Variants in MKRN2 observed in about 807,000 individuals in gnomAD.
MKRN2 encodes the protein makorin ring finger protein 2, also known as E3 ubiquitin-protein ligase makorin-2.
Under a neutral mutation model 45.4 loss-of-function variants are expected in MKRN2, and 32 were observed. The ratio of observed to expected loss-of-function variants is 0.70; its 90% confidence interval spans 0.53 to 0.95. The LOEUF is 0.95. Among genes scored for constraint, MKRN2 ranks in the 40% least tolerant of loss-of-function variants. The probability of loss-of-function intolerance (pLI) is 0.00; values close to 1 mark genes in which losing one functional copy is unlikely to be tolerated. For synonymous variants in MKRN2, 206 were observed against 192.4 expected (o/e 1.07, Z -0.59); for missense variants, 526 against 536.7 (o/e 0.98, Z 0.20).
intron 1 of MKRN2, among the ~76,000 whole-genome samples, chr3:12,564,327 G>A (rs558455858): frequency 3.9e-5 from 6 of 152,266 alleles, no homozygotes; most frequent in South Asian, 2.1e-4. Context: ...AGGAACTTCC[G>A]TACTGTTTTT....
intron 6 of MKRN2, chr3:12,577,072 AC>A: frequency 6.2e-6 from 1 of 162,240 alleles, no homozygotes; most frequent in South Asian, 1.6e-4. Flanking sequence ...AGCTGGGGCC[AC>A]CAGTAGTGTG....
At chr3:12,567,854 G>A (rs1024865417) in intron 1 of MKRN2, among the ~76,000 whole-genome samples, 1 of 152,064 alleles carries the variant, frequency 6.6e-6, no homozygotes, top group East Asian at 1.9e-4. Context: ...ATTCACTCAG[G>A]TCTCTCTACC....
chr3:12,576,933 GT>G (rs71063832), intron 6 of MKRN2, 192 bp downstream of exon 6: 2,089 of 55,934 alleles, frequency 0.037, 3 homozygotes, highest in South Asian at 0.1. Context: ...TAGTTTTGGT[GT>G]TTTTTTTTTT....
At chr3:12,562,818 C>G (rs1416282069) in intron 1 of MKRN2, among the ~76,000 whole-genome samples, 4 of 151,918 alleles carry the variant, frequency 2.6e-5, no homozygotes, top group Admixed American at 6.6e-5. Flanking sequence ...TGAACTGTCA[C>G]TGTCTCCCAT....
Position 12,572,128 on chromosome 3 carries a change from T to G in MKRN2, c.397T>G (p.Cys133Gly). The change falls in exon 4 of 8, where the codon TGC becomes GGC. Residue 133 changes from cysteine to glycine, a missense_variant. By Grantham distance (159) the Cys-to-Gly change is radical. Coordinates refer to ENST00000170447, the MANE Select transcript of MKRN2 (RefSeq NM_014160.5). ...GAGCATGGTGAGTAATCCAGGCAGC[T>G]GCAGCGACCCCCAGCCCAGCCCCGA... ...QPSMVSNPGS[C>G]SDPQPSPEMK... 1 of 1,614,026 alleles carries G rather than the reference T, an allele frequency of 6.2e-7. No homozygotes were observed. Among genetic ancestry groups the G allele is most frequent in the African/African-American group, 1.3e-5 (1 of 75,038 alleles).
intron 1 of MKRN2, among the ~76,000 whole-genome samples, chr3:12,562,442 A>G (rs187106808): frequency 2.0e-5 from 3 of 152,324 alleles, no homozygotes; most frequent in East Asian, 3.9e-4. Flanking sequence ...GGTATTGTAA[A>G]TAACAGGAAC....
chr3:12,568,748 G>T, intron 1 of MKRN2, 127 bp from the exon 2 acceptor site: 2 of 1,238,778 alleles, frequency 1.6e-6, no homozygotes, highest in Non-Finnish European at 1.1e-6. Flanking sequence ...TCTCTCTCCA[G>T]TGCCTAATAG....
intron 3 of MKRN2, among the ~76,000 whole-genome samples, 197 bp from the exon 4 acceptor site, chr3:12,571,872 A>C (rs1251134220): frequency 6.6e-6 from 1 of 151,764 alleles, no homozygotes; most frequent in Non-Finnish European, 1.5e-5. Context: ...TGTTTTTTTA[A>C]GTAATTATAA....
At chr3:12,575,068 T>C in intron 5 of MKRN2, 62 bp downstream of exon 5, 1 of 1,501,514 alleles carries the variant, frequency 6.7e-7, no homozygotes, top group Non-Finnish European at 9.2e-7. Flanking sequence ...GAGACTTTAT[T>C]CCGTCCACTT....
At chr3:12,559,724 A>G (rs746496430) in intron 1 of MKRN2, among the ~76,000 whole-genome samples, 1 of 152,122 alleles carries the variant, frequency 6.6e-6, no homozygotes, top group Non-Finnish European at 1.5e-5. Flanking sequence ...TCTATCCAGA[A>G]TCTCAATCTG....
intron 1 of MKRN2, among the ~76,000 whole-genome samples, chr3:12,558,220 T>G (rs2058000101): frequency 6.6e-6 from 1 of 152,200 alleles, no homozygotes; most frequent in Non-Finnish European, 1.5e-5. Context: ...TTAGTGTACA[T>G]TTACTGTTCA....
At chr3:12,566,680 G>T (rs745916956) in intron 1 of MKRN2, among the ~76,000 whole-genome samples, 1 of 152,180 alleles carries the variant, frequency 6.6e-6, no homozygotes, top group South Asian at 2.1e-4. Context: ...TTGGCTCACT[G>T]CAACCTCCGC....
chr3:12,574,450 G>A (rs1055432519), intron 4 of MKRN2, among the ~76,000 whole-genome samples: 1 of 152,230 alleles, frequency 6.6e-6, no homozygotes, highest in Non-Finnish European at 1.5e-5. Flanking sequence ...GGGAAACAGT[G>A]CCCAGAGGAG....
chr3:12,567,481 C>CT (rs35726193), intron 1 of MKRN2, among the ~76,000 whole-genome samples: 4,470 of 76,872 alleles, frequency 0.058, 136 homozygotes, highest in Middle Eastern at 0.083. Flanking sequence ...GCTAGTTTAT[C>CT]TTTTTTTTTT....
intron 5 of MKRN2, among the ~76,000 whole-genome samples, chr3:12,575,618 G>T (rs532830833): frequency 4.6e-5 from 7 of 152,266 alleles, no homozygotes; most frequent in Admixed American, 4.6e-4. Context: ...TTAGGAAACA[G>T]GCCTGGGGTG....
chr3:12,576,841 TC>T, intron 6 of MKRN2, 100 bp downstream of exon 6: 1 of 677,408 alleles, frequency 1.5e-6, no homozygotes, highest in Non-Finnish European at 2.5e-6. Context: ...CTTAGGGGCC[TC>T]TTCCTCTCTT....
intron 1 of MKRN2, among the ~76,000 whole-genome samples, chr3:12,565,553 G>T (rs2454426): frequency 0.94 from 103,587 of 110,090 alleles, 48,679 homozygotes; most frequent in Middle Eastern, 0.97. Flanking sequence ...TTTTTTTTTG[G>T]GAGACAGGGT....
Position 12,582,419 on chromosome 3 carries a change from GAAGAGTGAAAGATATA to G in MKRN2, c.*170_*185del. The G allele has an allele frequency of 1.2e-6, 1 of 824,092 alleles. No individual in the cohort carries two copies. Among genetic ancestry groups the G allele is most frequent in the Non-Finnish European group, 1.9e-6 (1 of 528,148 alleles). 51.0% of individuals were successfully genotyped at this position (824,092 alleles called of 1,614,324 possible). ...CAATCTCCATTATTACAGCCATGGG[GAAGAGTGAAAGATATA>G]AAGTAACCTAATTAAATGTATGGAA... On this transcript the variant is annotated 3_prime_UTR_variant, in exon 8 of 8. Coordinates refer to ENST00000170447, the MANE Select transcript of MKRN2 (RefSeq NM_014160.5).
chr3:12,577,842 A>AT (rs1447519830), intron 6 of MKRN2, among the ~76,000 whole-genome samples: 2 of 152,010 alleles, frequency 1.3e-5, no homozygotes, highest in Non-Finnish European at 1.5e-5. Context: ...CACCTGGCCA[A>AT]TTTTTTGTAT....
Sources: allele counts gnomAD v4.1 joint callset (sites outside exome capture counted in the v4.1 genomes callset), GRCh38; gene constraint gnomAD v4.1.1; transcripts MANE v1.5; gene names NCBI Gene and HGNC (gene_info 2026-07-23, HGNC 2026-07-21).